Variants in DCPS observed in about 807,000 individuals in gnomAD.
DCPS encodes the protein decapping enzyme, scavenger, also known as m7GpppX diphosphatase.
Under a neutral mutation model 34.7 loss-of-function variants are expected in DCPS, and 27 were observed. The ratio of observed to expected loss-of-function variants is 0.78; its 90% confidence interval spans 0.57 to 1.07. DCPS has a LOEUF of 1.07. DCPS is among the 50% of genes least tolerant of loss of function. The pLI is 0.00. For missense variants in DCPS, 464 were observed against 436.9 expected, an observed-to-expected ratio of 1.06 and a Z score of -0.55; for synonymous variants, 185 against 185.7, an observed-to-expected ratio of 1.00 and a Z score of 0.03.
At position 126,304,192 on chromosome 11, in the gene DCPS, G is replaced by GCTC; in HGVS notation, c.115_117dup (p.Pro39dup). 6.2e-7 allele frequency: 1 copy of GCTC among 1,614,260 alleles called. No homozygotes were observed. The highest frequency in any genetic ancestry group is 1.1e-5 in the South Asian group (1 of 91,090). On this transcript the variant is annotated inframe_insertion, in exon 1 of 6. Coordinates refer to ENST00000263579, the MANE Select transcript of DCPS (RefSeq NM_014026.6). ...GGCAGGAGTTGGAAATGGTACCTGT[G>GCTC]CTCCTGTCCGCTTACCGTTCTCCGG... is the stretch of plus-strand genomic sequence containing the variant.
In DCPS at chr11:126,331,868, A is replaced by G. The variant is rs925884230; in HGVS notation, c.522+318A>G. Reference sequence around the variant, plus strand: ...AATTGCCATTTTATATCGCATGGCGAGAGAAGGCTTTGGGGGTGGGGGAAC... The same window carrying G: ...AATTGCCATTTTATATCGCATGGCGGGAGAAGGCTTTGGGGGTGGGGGAAC... On this transcript the variant is annotated intron_variant, in intron 3 of 5. Coordinates refer to ENST00000263579, the MANE Select transcript of DCPS (RefSeq NM_014026.6). The surrounding 1 kb of genome is among the most constrained non-coding windows in gnomAD (Gnocchi z 7.2). Among the ~76,000 whole-genome samples, 1 of 152,038 alleles carries G rather than the reference A, an allele frequency of 6.6e-6. No homozygotes were observed. Among genetic ancestry groups the G allele is most frequent in the African/African-American group, 2.4e-5 (1 of 41,368 alleles).
Position 126,320,826 on chromosome 11 carries a change from G to T in DCPS, c.377-10579G>T, listed in dbSNP as rs1267042307. On this transcript the variant is annotated intron_variant, in intron 2 of 5. Coordinates refer to ENST00000263579, the MANE Select transcript of DCPS (RefSeq NM_014026.6). This position sits in a 1 kb window ranked among gnomAD's most constrained non-coding sequence, Gnocchi z 4.7. ...AACAAAATTTCCAAACCTAGGATAC[G>T]TAGGGAGGAGCAGTAACTGGATCTG... is the stretch of plus-strand genomic sequence containing the variant. 6.6e-6 allele frequency among the ~76,000 whole-genome samples: 1 copy of T among 152,112 alleles called. No individual in the cohort carries two copies. The highest frequency in any genetic ancestry group is 1.5e-5 in the Non-Finnish European group (1 of 68,026).
Position 126,326,597 on chromosome 11 carries a change from A to G in DCPS, c.377-4808A>G, listed in dbSNP as rs568022888. 5.9e-5 allele frequency among the ~76,000 whole-genome samples: 9 copies of G among 152,330 alleles called. No homozygotes were observed. In the South Asian group the frequency reaches 1.9e-3, roughly 32 times the overall value. ...AAAAAAAATTCCAATCCTGCAGAAAAGTTGTAAGAATAGTACAAAGAACTC... is the reference window on the plus strand; with the variant it reads ...AAAAAAAATTCCAATCCTGCAGAAAGGTTGTAAGAATAGTACAAAGAACTC... On this transcript the variant is annotated intron_variant, in intron 2 of 5. Coordinates refer to ENST00000263579, the MANE Select transcript of DCPS (RefSeq NM_014026.6).
Position 126,327,961 on chromosome 11 carries a change from G to A in DCPS, c.377-3444G>A, listed in dbSNP as rs186035581. On this transcript the variant is annotated intron_variant, in intron 2 of 5. Coordinates refer to ENST00000263579, the MANE Select transcript of DCPS (RefSeq NM_014026.6). This position sits in a 1 kb window ranked among gnomAD's most constrained non-coding sequence, Gnocchi z 4.1. ...GCTGGTGGAGGAGACAGAGGACCCCGAGGTTAGGGCTGCTGTTTTACCAGA... is the reference window on the plus strand; with the variant it reads ...GCTGGTGGAGGAGACAGAGGACCCCAAGGTTAGGGCTGCTGTTTTACCAGA... 7.9e-5 allele frequency among the ~76,000 whole-genome samples: 12 copies of A among 152,326 alleles called. No individual in the cohort carries two copies. Among genetic ancestry groups the A allele is most frequent in the Non-Finnish European group, 1.3e-4 (9 of 68,032 alleles).
At position 126,345,079 on chromosome 11, in the gene DCPS, C is replaced by T. The variant is rs958743902; in HGVS notation, c.748-268C>T. ...TTTGAGGAAGCCAGTGTTTTTTCCA[C>T]GTTGGGGTGGGGAATGCTGATTGAG... On this transcript the variant is annotated intron_variant, in intron 5 of 5. Transcript: ENST00000263579. This position sits in a 1 kb window ranked among gnomAD's most constrained non-coding sequence, Gnocchi z 7.4. Among the ~76,000 whole-genome samples the T allele has an allele frequency of 3.3e-5, 5 of 152,198 alleles. No individual in the cohort carries two copies. The highest frequency in any genetic ancestry group is 1.2e-4 in the African/African-American group (5 of 41,444).
Position 126,344,028 on chromosome 11 carries a change from C to T in DCPS, c.747+611C>T, listed in dbSNP as rs1394816433. Among the ~76,000 whole-genome samples the T allele has an allele frequency of 1.3e-5, 2 of 152,142 alleles. No individual in the cohort carries two copies. The highest frequency in any genetic ancestry group is 2.9e-5 in the Non-Finnish European group (2 of 68,010). Reference sequence around the variant, plus strand: ...CTGAGTGGCCTGGGGCAGGTCACTTCACCTCCCTAAACCACATTATCTAGA... The same window carrying T: ...CTGAGTGGCCTGGGGCAGGTCACTTTACCTCCCTAAACCACATTATCTAGA... On this transcript the variant is annotated intron_variant, in intron 5 of 5. Transcript: ENST00000263579. This position sits in a 1 kb window ranked among gnomAD's most constrained non-coding sequence, Gnocchi z 8.1.
At chr11:126,340,448 A>G (rs1030103907) in intron 4 of DCPS, among the ~76,000 whole-genome samples, 3 of 152,170 alleles carry the variant, frequency 2.0e-5, no homozygotes, top group African/African-American at 7.2e-5. Flanking sequence ...CAGCAACCCA[A>G]GTAGCTGGGA....
rs966727754 is a variant in DCPS, at chr11:126,328,212, A to G, written c.377-3193A>G. 2.6e-5 allele frequency among the ~76,000 whole-genome samples: 4 copies of G among 152,198 alleles called. No individual in the cohort carries two copies. Among genetic ancestry groups the G allele is most frequent in the African/African-American group, 9.7e-5 (4 of 41,450 alleles). On this transcript the variant is annotated intron_variant, in intron 2 of 5. Coordinates refer to ENST00000263579, the MANE Select transcript of DCPS (RefSeq NM_014026.6). The surrounding 1 kb of genome is among the most constrained non-coding windows in gnomAD (Gnocchi z 6.6). ...AGTGCATGAAGGTGGAAAGAGGGCCAGGGCGAGGTGACCAACAGCCTCGTA... is the reference window on the plus strand; with the variant it reads ...AGTGCATGAAGGTGGAAAGAGGGCCGGGGCGAGGTGACCAACAGCCTCGTA...
Position 126,331,364 on chromosome 11 carries a change from G to A in DCPS, c.377-41G>A, listed in dbSNP as rs1342351346. ...CGTGGTGCCTGTGGCATAGAGAGTG[G>A]GCATTGCTTCCCTGTCACGGGCTGT... On this transcript the variant is annotated intron_variant, in intron 2 of 5. Coordinates refer to ENST00000263579, the MANE Select transcript of DCPS (RefSeq NM_014026.6). The surrounding 1 kb of genome is among the most constrained non-coding windows in gnomAD (Gnocchi z 7.2). 1 of 1,608,660 alleles carries A rather than the reference G, an allele frequency of 6.2e-7. No individual in the cohort carries two copies. The highest frequency in any genetic ancestry group is 2.2e-5 in the East Asian group (1 of 44,818).
chr11:126,332,095 C>G lies in DCPS; in HGVS notation c.522+545C>G, dbSNP rs1209873012. Reference sequence around the variant, plus strand: ...GAGTGAGTCCCACCCTGTCCAGACTCTTATTCCTGGTTTCACCTGCGGCAA... The same window carrying G: ...GAGTGAGTCCCACCCTGTCCAGACTGTTATTCCTGGTTTCACCTGCGGCAA... On this transcript the variant is annotated intron_variant, in intron 3 of 5. Transcript: ENST00000263579. The surrounding 1 kb of genome is among the most constrained non-coding windows in gnomAD (Gnocchi z 5.4). 6.6e-6 allele frequency among the ~76,000 whole-genome samples: 1 copy of G among 152,224 alleles called. No homozygotes were observed. Among genetic ancestry groups the G allele is most frequent in the Non-Finnish European group, 1.5e-5 (1 of 68,036 alleles).
Position 126,345,504 on chromosome 11 carries a change from T to TC in DCPS, c.906dup (p.Glu303ArgfsTer6). 6.2e-7 allele frequency: 1 copy of TC among 1,614,092 alleles called. No homozygotes were observed. Among genetic ancestry groups the TC allele is most frequent in the Non-Finnish European group, 8.5e-7 (1 of 1,180,026 alleles). ...CGGGCCCACCTGCTGGCTGAGGTGATCGAGAACTTGGAGTGTGACCCTAGG... is the reference window on the plus strand; with the variant it reads ...CGGGCCCACCTGCTGGCTGAGGTGATCCGAGAACTTGGAGTGTGACCCTAGG... On this transcript the variant is annotated frameshift_variant, in exon 6 of 6. Coordinates refer to ENST00000263579, the MANE Select transcript of DCPS (RefSeq NM_014026.6). LOFTEE classifies it high-confidence loss of function. The surrounding 1 kb of genome is among the most constrained non-coding windows in gnomAD (Gnocchi z 7.4).
At chr11:126,314,304 C>A (rs1289888135) in intron 2 of DCPS, among the ~76,000 whole-genome samples, 2 of 152,194 alleles carry the variant, frequency 1.3e-5, no homozygotes, top group Non-Finnish European at 2.9e-5. Flanking sequence ...GTATAGTATT[C>A]CATGGTGTAT....
In DCPS at chr11:126,346,897, A is replaced by C. The variant is rs1029574529; in HGVS notation, c.*1284A>C. On this transcript the variant is annotated 3_prime_UTR_variant, in exon 6 of 6. Transcript: ENST00000263579. The surrounding 1 kb of genome is among the most constrained non-coding windows in gnomAD (Gnocchi z 4.1). ...GGAGAGACTCCTTAGAAACAGCAGA[A>C]TCACGAACATGGTGAAACCCATCTC... 4.6e-5 allele frequency among the ~76,000 whole-genome samples: 7 copies of C among 152,052 alleles called. No individual in the cohort carries two copies. Among genetic ancestry groups the C allele is most frequent in the Non-Finnish European group, 8.8e-5 (6 of 68,014 alleles).
Position 126,338,187 on chromosome 11 carries a change from T to C in DCPS, c.523-99T>C. ...GGCGGCCTTTTATGGCTTGGTTCTG[T>C]CTCCTGGAGAGGCCAGGGAATGCCC... On this transcript the variant is annotated intron_variant, in intron 3 of 5. Coordinates refer to ENST00000263579, the MANE Select transcript of DCPS (RefSeq NM_014026.6). This position sits in a 1 kb window ranked among gnomAD's most constrained non-coding sequence, Gnocchi z 5.4. 2.7e-6 allele frequency: 3 copies of C among 1,131,482 alleles called. No homozygotes were observed. Among genetic ancestry groups the C allele is most frequent in the Non-Finnish European group, 3.9e-6 (3 of 769,970 alleles). 70.1% of individuals were successfully genotyped at this position (1,131,482 alleles called of 1,614,324 possible).
chr11:126,311,554 G>GAGCT (rs1390922258), intron 2 of DCPS, among the ~76,000 whole-genome samples: 4 of 152,222 alleles, frequency 2.6e-5, no homozygotes, highest in African/African-American at 9.6e-5. Flanking sequence ...CTCTGCAGTG[G>GAGCT]AGCTGACACC....
At chr11:126,305,543 C>T (rs1951557052) in intron 1 of DCPS, among the ~76,000 whole-genome samples, 1 of 148,826 alleles carries the variant, frequency 6.7e-6, no homozygotes, top group Non-Finnish European at 1.5e-5. Context: ...GCCTCAGCCT[C>T]CCAAGTAGCT....
intron 2 of DCPS, among the ~76,000 whole-genome samples, 175 bp downstream of exon 2, chr11:126,306,919 G>T (rs1951574139): frequency 6.6e-6 from 1 of 152,086 alleles, no homozygotes; most frequent in South Asian, 2.1e-4. Context: ...GTCAGAATCG[G>T]GGGTGGTGGT....
Position 126,337,578 on chromosome 11 carries a change from T to C in DCPS, c.523-708T>C, listed in dbSNP as rs1951841528. On this transcript the variant is annotated intron_variant, in intron 3 of 5. Transcript: ENST00000263579. This position sits in a 1 kb window ranked among gnomAD's most constrained non-coding sequence, Gnocchi z 5.3. The stretch of plus-strand genomic sequence containing the variant: ...AGGGTGACACAAGGGCTGGGAGCCC[T>C]GGGTAGCCCTGAAAGGTCTTGGTGA... The C allele has an allele frequency of 6.9e-6, 1 of 145,982 alleles. No individual in the cohort carries two copies. The allele number at this position is 145,982 out of a possible 1,614,324, so 9.0% of individuals were successfully genotyped here.
At chr11:126,343,242 C>T in intron 4 of DCPS, 65 bp from the exon 5 acceptor site, 1 of 1,407,352 alleles carries the variant, frequency 7.1e-7, no homozygotes, top group South Asian at 1.2e-5. Context: ...GTGAGAACTC[C>T]AGGGTTGGCA....
Sources: allele counts gnomAD v4.1 joint callset (sites outside exome capture counted in the v4.1 genomes callset), GRCh38; gene constraint gnomAD v4.1.1; non-coding constraint Gnocchi (gnomAD v3.1); transcripts MANE v1.5; gene names NCBI Gene and HGNC (gene_info 2026-07-23, HGNC 2026-07-21).